Variants in ARHGEF37 observed in about 807,000 individuals in gnomAD.
ARHGEF37 encodes Rho guanine nucleotide exchange factor 37.
In ARHGEF37, 55 loss-of-function variants were observed where a neutral mutation model predicts 71.1. That is an observed-to-expected ratio of 0.77 (90% CI 0.62 to 0.97). The LOEUF is 0.97. ARHGEF37 is among the 50% of genes least tolerant of loss of function. The pLI, the probability that ARHGEF37 is intolerant of heterozygous loss-of-function variation, is 0.00. For synonymous variants in ARHGEF37, 327 were observed against 350.6 expected, an observed-to-expected ratio of 0.93 and a Z score of 0.75; for missense variants, 765 against 836.8, an observed-to-expected ratio of 0.91 and a Z score of 1.06.
chr5:149,632,472 A>C lies in ARHGEF37; in HGVS notation c.*281A>C. 2 of 447,746 alleles carry C rather than the reference A, an allele frequency of 4.5e-6. No individual in the cohort carries two copies. Among genetic ancestry groups the C allele is most frequent in the Non-Finnish European group, 8.3e-6 (2 of 242,098 alleles). The allele number at this position is 447,746 out of a possible 1,614,324, so 27.7% of individuals were successfully genotyped here. ...GCACTTGGACAGCAGGTCACAGCTGATTGGCCAGGACTCTCCATAGGTTAT... is the reference window on the plus strand; with the variant it reads ...GCACTTGGACAGCAGGTCACAGCTGCTTGGCCAGGACTCTCCATAGGTTAT... On this transcript the variant is annotated 3_prime_UTR_variant, in exon 13 of 13. Transcript: ENST00000333677.
In ARHGEF37 at chr5:149,627,281, C is replaced by T. The variant is rs749044145; in HGVS notation, c.1660+10C>T. Reference sequence around the variant, plus strand: ...CTGGTGGACACCGGGGGTACGTGAGCCTTTGGGAGCCCTTCTTCTCCTTCG... The same window carrying T: ...CTGGTGGACACCGGGGGTACGTGAGTCTTTGGGAGCCCTTCTTCTCCTTCG... On this transcript the variant is annotated intron_variant, in intron 11 of 12. Coordinates refer to ENST00000333677, the MANE Select transcript of ARHGEF37 (RefSeq NM_001001669.3). The T allele has an allele frequency of 6.8e-6, 11 of 1,609,596 alleles. No individual in the cohort carries two copies. Among genetic ancestry groups the T allele is most frequent in the Admixed American group, 1.7e-5 (1 of 59,782 alleles).
intron 6 of ARHGEF37, 81 bp from the exon 7 acceptor site, chr5:149,618,857 C>G: frequency 2.6e-6 from 3 of 1,159,108 alleles, no homozygotes; most frequent in Non-Finnish European, 3.9e-6. Context: ...AAAGGTTGTC[C>G]CAGTGAGGAC....
chr5:149,595,636 C>T (rs1172402527), intron 1 of ARHGEF37, among the ~76,000 whole-genome samples: 1 of 152,172 alleles, frequency 6.6e-6, no homozygotes, highest in Non-Finnish European at 1.5e-5. Flanking sequence ...GGTACTCACT[C>T]ACAGGGGCAT....
At chr5:149,553,434 TAAAA>T (rs58190588) in intron 1 of ARHGEF37, among the ~76,000 whole-genome samples, 1 of 143,798 alleles carries the variant, frequency 7.0e-6, no homozygotes, top group Non-Finnish European at 1.5e-5. Context: ...ATTCTGGTCT[TAAAA>T]AAAAAAAAGC....
chr5:149,599,680 A>G (rs1341351058), intron 2 of ARHGEF37, among the ~76,000 whole-genome samples: 1 of 151,954 alleles, frequency 6.6e-6, no homozygotes, highest in Admixed American at 6.6e-5. Flanking sequence ...TATTTTTTAC[A>G]TTTTCTTTTT....
intron 1 of ARHGEF37, among the ~76,000 whole-genome samples, chr5:149,569,433 C>CAA (rs1304520930): frequency 6.6e-6 from 1 of 152,116 alleles, no homozygotes; most frequent in East Asian, 1.9e-4. Flanking sequence ...GATTCTCCTG[C>CAA]CTCAGCCTCC....
At chr5:149,631,116 TTTTC>T (rs199903340) in intron 12 of ARHGEF37, among the ~76,000 whole-genome samples, 63 of 151,674 alleles carry the variant, frequency 4.2e-4, no homozygotes, top group East Asian at 2.3e-3. Context: ...TTCAATTTAT[TTTTC>T]TTTCTTTCTT....
At chr5:149,604,676 A>ATTTT (rs528100482) in intron 3 of ARHGEF37, among the ~76,000 whole-genome samples, 14 of 91,690 alleles carry the variant, frequency 1.5e-4, no homozygotes, top group African/African-American at 4.8e-4. Flanking sequence ...CAGCAACACC[A>ATTTT]TTTTTTTTTT....
intron 1 of ARHGEF37, among the ~76,000 whole-genome samples, chr5:149,562,510 G>A (rs1580880359): frequency 6.6e-6 from 1 of 151,954 alleles, no homozygotes; most frequent in African/African-American, 2.4e-5. Context: ...GTGCAGTGGC[G>A]CGATCTCGGC....
At chr5:149,572,880 C>T (rs1388000103) in intron 1 of ARHGEF37, among the ~76,000 whole-genome samples, 1 of 152,072 alleles carries the variant, frequency 6.6e-6, no homozygotes, top group Non-Finnish European at 1.5e-5. Context: ...TGTCTTAGTC[C>T]ATCTTGTGTT....
chr5:149,618,867 C>T, intron 6 of ARHGEF37, 71 bp from the exon 7 acceptor site: 1 of 1,270,816 alleles, frequency 7.9e-7, no homozygotes, highest in South Asian at 1.2e-5. Context: ...CCAGTGAGGA[C>T]CTGGAACACT....
intron 2 of ARHGEF37, among the ~76,000 whole-genome samples, chr5:149,600,605 G>A (rs58319998): frequency 0.092 from 13,962 of 151,808 alleles, 885 homozygotes; most frequent in African/African-American, 0.16. Context: ...TGAGTACTCC[G>A]TCTGTTCCTC....
chr5:149,626,687 T>A (rs1250067356), intron 10 of ARHGEF37, among the ~76,000 whole-genome samples: 1 of 152,146 alleles, frequency 6.6e-6, no homozygotes, highest in Admixed American at 6.5e-5. Flanking sequence ...AGAAACCAGA[T>A]GAATAAGGTC....
In ARHGEF37 at chr5:149,619,041, A is replaced by C; in HGVS notation, c.893A>C (p.Gln298Pro). The C allele has an allele frequency of 6.2e-7, 1 of 1,613,602 alleles. No homozygotes were observed. The highest frequency in any genetic ancestry group is 8.5e-7 in the Non-Finnish European group (1 of 1,179,488). Residue 298 changes from glutamine to proline, a missense_variant and splice_region_variant, in exon 7 of 13, where the codon CAG (glutamine) becomes CCG (proline). Coordinates refer to ENST00000333677, the MANE Select transcript of ARHGEF37 (RefSeq NM_001001669.3). ...GTGGCTGCTTACCTGGACAATCTGC[A>C]GGTGAGGACACTGCAGGGTTCATAA... Reference protein sequence around the residue: ...NNVAAYLDNLQAFLYFRPHEY... With the variant: ...NNVAAYLDNLPAFLYFRPHEY...
chr5:149,575,604 C>A (rs1472696329), intron 1 of ARHGEF37, among the ~76,000 whole-genome samples: 15 of 151,738 alleles, frequency 9.9e-5, no homozygotes, highest in Admixed American at 9.9e-4. Flanking sequence ...GTAGAGATGG[C>A]CCTTTCTTCT....
rs376379550 is a variant in ARHGEF37 at position 149,611,301 on chromosome 5, A to T, written c.458+1606A>T. ...TAGAGATTGGGGGAGGAATAATAGC[A>T]GTGATGTTTTTGCAAACCATCTGCC... On this transcript the variant is annotated intron_variant, in intron 4 of 12. Transcript: ENST00000333677. 2.1e-3 allele frequency among the ~76,000 whole-genome samples: 319 copies of T among 152,340 alleles called. 2 individuals carry two copies. In the South Asian group the frequency reaches 0.023, roughly 11 times the overall value.
At position 149,609,533 on chromosome 5, in the gene ARHGEF37, C is replaced by T. The variant is rs756607874; in HGVS notation, c.311-15C>T. The T allele has an allele frequency of 7.8e-5, 126 of 1,609,620 alleles. No individual in the cohort carries two copies. The highest frequency in any genetic ancestry group is 1.7e-4 in the Middle Eastern group (1 of 6,028). On this transcript the variant is annotated splice_polypyrimidine_tract_variant and intron_variant, in intron 3 of 12. Coordinates refer to ENST00000333677, the MANE Select transcript of ARHGEF37 (RefSeq NM_001001669.3). ...ACATGCCCTTGACGACCCCTTGTTG[C>T]GTCTTCACTCTCAGGTAACATATTT...
At chr5:149,617,726 C>T (rs534749976) in intron 5 of ARHGEF37, among the ~76,000 whole-genome samples, 2 of 152,292 alleles carry the variant, frequency 1.3e-5, no homozygotes, top group African/African-American at 4.8e-5. Context: ...ATTTCCTCCC[C>T]ACCTGCTTCT....
chr5:149,568,811 CAAAAAAAAAAAAAA>C (rs748620450), intron 1 of ARHGEF37, among the ~76,000 whole-genome samples: 1 of 57,354 alleles, frequency 1.7e-5, no homozygotes, highest in Non-Finnish European at 4.0e-5. Context: ...GACTCCATCT[CAAAAAAAAAAAAAA>C]AAAAAAAGAT....
Sources: allele counts gnomAD v4.1 joint callset (sites outside exome capture counted in the v4.1 genomes callset), GRCh38; gene constraint gnomAD v4.1.1; transcripts MANE v1.5; gene names NCBI Gene and HGNC (gene_info 2026-07-23, HGNC 2026-07-21).